Variants in C15orf40 observed in about 807,000 individuals in gnomAD.
C15orf40 encodes UPF0235 protein C15orf40.
C15orf40 carries 9 observed loss-of-function variants against 13.9 expected under a neutral mutation model. The observed-to-expected ratio is 0.65, with a 90% confidence interval of 0.39 to 1.13. The LOEUF (loss-of-function observed/expected upper bound fraction) is 1.13. Among genes scored for constraint, C15orf40 ranks in the 50% most tolerant of loss-of-function variants. The pLI, the probability that C15orf40 is intolerant of heterozygous loss-of-function variation, is 0.01. For missense variants in C15orf40, 225 were observed against 188.5 expected, an observed-to-expected ratio of 1.19 and a Z score of -1.13; for synonymous variants, 95 against 69.2, an observed-to-expected ratio of 1.37 and a Z score of -1.85.
Position 82,999,171 on chromosome 15 carries a change from A to AGAGGGGGAGGGG in C15orf40, c.*6414_*6425dup, listed in dbSNP as rs772981816. On this transcript the variant is annotated 3_prime_UTR_variant, in exon 4 of 4. Coordinates refer to ENST00000304177, the MANE Select transcript of C15orf40 (RefSeq NM_144597.3). ...CGTGGGGAGAGGGAGAGGGTGAGGG[A>AGAGGGGGAGGGG]GAGGGGGAGGGGGAGGGGGAGGGGG... 5.6e-5 allele frequency: 2 copies of AGAGGGGGAGGGG among 35,510 alleles called. No homozygotes were observed. Among genetic ancestry groups the AGAGGGGGAGGGG allele is most frequent in the South Asian group, 5.8e-4 (1 of 1,710 alleles). 2.2% of individuals were successfully genotyped at this position (35,510 alleles called of 1,614,324 possible). A position where few individuals can be genotyped will look rare whatever the true frequency, so the allele number is the denominator to read the frequency against.
Position 82,998,154 on chromosome 15 carries a change from C to T in C15orf40, c.*7443G>A, listed in dbSNP as rs1237924025. On this transcript the variant is annotated 3_prime_UTR_variant, in exon 4 of 4. Transcript: ENST00000304177. The stretch of plus-strand genomic sequence containing the variant: ...GCCCCTCACCTCCCGGACGGGGCGG[C>T]TGGCCGGGCGGGGGGCTGACCCCCC... The T allele has an allele frequency of 3.7e-5, 5 of 133,470 alleles. No homozygotes were observed. Among genetic ancestry groups the T allele is most frequent in the African/African-American group, 1.4e-4 (5 of 35,024 alleles). 8.3% of individuals were successfully genotyped at this position (133,470 alleles called of 1,614,324 possible). A position where few individuals can be genotyped will look rare whatever the true frequency, so the allele number is the denominator to read the frequency against.
chr15:83,010,470 T>G, intron 1 of C15orf40, 107 bp from the exon 2 acceptor site: 3 of 1,356,566 alleles, frequency 2.2e-6, no homozygotes, highest in Non-Finnish European at 3.1e-6. Context: ...ACTAGGCTCA[T>G]CAGTGGTGTC....
chr15:83,008,505 C>G, intron 3 of C15orf40, 43 bp downstream of exon 3: 1 of 1,592,812 alleles, frequency 6.3e-7, no homozygotes. Context: ...GGCGACAGAG[C>G]AAGATTTTGT....
intron 3 of C15orf40, chr15:83,006,530 C>A (rs1373881808): frequency 2.1e-6 from 2 of 935,768 alleles, no homozygotes; most frequent in Admixed American, 6.2e-5. Flanking sequence ...GAGGCTGAGG[C>A]GGGTGGATCA....
intron 3 of C15orf40, chr15:83,006,352 T>C (rs2090876105): frequency 1.0e-6 from 1 of 954,684 alleles, no homozygotes; most frequent in Non-Finnish European, 1.2e-6. Flanking sequence ...AGTAAAATAA[T>C]TATAAATATA....
downstream of C15orf40, among the ~76,000 whole-genome samples, chr15:82,994,277 T>C (rs527960665): frequency 2.0e-5 from 3 of 152,220 alleles, no homozygotes; most frequent in South Asian, 2.1e-4. Context: ...AATCAGGTTA[T>C]TGACAGCACT....
intron 1 of C15orf40, chr15:83,010,958 T>C (rs376619115): frequency 1.3e-5 from 2 of 155,212 alleles, no homozygotes; most frequent in African/African-American, 4.8e-5. Flanking sequence ...ACCGATGAGA[T>C]AGGCACAGAA....
rs1299494295 is a variant in C15orf40, at chr15:82,998,516, T to G, written c.*7081A>C. On this transcript the variant is annotated 3_prime_UTR_variant, in exon 4 of 4. Coordinates refer to ENST00000304177, the MANE Select transcript of C15orf40 (RefSeq NM_144597.3). ...CGGGGTCTCGGCCGGGCAGAGGCGC[T>G]CCTCACATCCCAGATGGGGCGGCGG... is the stretch of plus-strand genomic sequence containing the variant. The G allele has an allele frequency of 2.5e-5, 2 of 80,892 alleles. No individual in the cohort carries two copies. The highest frequency in any genetic ancestry group is 4.9e-5 in the Non-Finnish European group (2 of 41,070). 5.0% of individuals were successfully genotyped at this position (80,892 alleles called of 1,614,324 possible).
downstream of C15orf40, chr15:82,990,762 C>T: frequency 1.1e-6 from 1 of 895,942 alleles, no homozygotes; most frequent in Non-Finnish European, 1.8e-6. Flanking sequence ...TTGCTAACAA[C>T]ATAGCAGGTC....
At chr15:82,992,445 G>A (rs1033774627), downstream of C15orf40, among the ~76,000 whole-genome samples, 2 of 152,140 alleles carry the variant, frequency 1.3e-5, no homozygotes, top group Admixed American at 6.5e-5. Context: ...GAACCTGGGA[G>A]GTGGAGGTGG....
At chr15:82,993,027 T>C (rs906680614), downstream of C15orf40, among the ~76,000 whole-genome samples, 3 of 152,208 alleles carry the variant, frequency 2.0e-5, no homozygotes, top group Admixed American at 6.5e-5. Flanking sequence ...ATAGAATTAA[T>C]TTCAAGTAGT....
At chr15:82,991,097 G>A (rs1164329210), downstream of C15orf40, 1 of 155,098 alleles carries the variant, frequency 6.4e-6, no homozygotes, top group African/African-American at 2.4e-5. Context: ...GGTGAAATGA[G>A]ATTTTTGGGT....
rs2031429450 is a variant in C15orf40 at position 83,001,780 on chromosome 15, A to AT, written c.*3816dup. The AT allele has an allele frequency of 6.6e-6, 1 of 152,276 alleles. No homozygotes were observed. The highest frequency in any genetic ancestry group is 1.5e-5 in the Non-Finnish European group (1 of 68,072). 9.4% of individuals were successfully genotyped at this position (152,276 alleles called of 1,614,324 possible). A position where few individuals can be genotyped will look rare whatever the true frequency, so the allele number is the denominator to read the frequency against. On this transcript the variant is annotated 3_prime_UTR_variant, in exon 4 of 4. Transcript: ENST00000304177. Reference sequence around the variant, plus strand: ...AGTAGGAATAGTCCTGTGTGAGACAATTAAGTTGTGAGGCTGCTGTAGACT... The same window carrying AT: ...AGTAGGAATAGTCCTGTGTGAGACAATTTAAGTTGTGAGGCTGCTGTAGACT...
rs1375917821 is a variant in C15orf40, at chr15:82,994,995, A to G, written c.*10602T>C. On this transcript the variant is annotated 3_prime_UTR_variant, in exon 4 of 4. Transcript: ENST00000304177. Reference sequence around the variant, plus strand: ...CAGATATATCCAGATATGACATAATATCTAAACAAAGATTTCTCCTGACAT... The same window carrying G: ...CAGATATATCCAGATATGACATAATGTCTAAACAAAGATTTCTCCTGACAT... 2 of 152,234 alleles carry G rather than the reference A, an allele frequency of 1.3e-5. No individual in the cohort carries two copies. The highest frequency in any genetic ancestry group is 4.1e-4 in the South Asian group (2 of 4,830). The allele number at this position is 152,234 out of a possible 1,614,324, so 9.4% of individuals were successfully genotyped here.
At position 83,004,641 on chromosome 15, in the gene C15orf40, TC is replaced by T; in HGVS notation, c.*955del. On this transcript the variant is annotated 3_prime_UTR_variant, in exon 4 of 4. Transcript: ENST00000304177. ...AGGAAGATGAAAATTCAGTGACTTCTCAAAAATTATAATTCACATTTAATTA... is the reference window on the plus strand; with the variant it reads ...AGGAAGATGAAAATTCAGTGACTTCTAAAAATTATAATTCACATTTAATTA... The T allele has an allele frequency of 1.1e-6, 1 of 904,020 alleles. No individual in the cohort carries two copies. The highest frequency in any genetic ancestry group is 1.3e-6 in the Non-Finnish European group (1 of 754,658). 56.0% of individuals were successfully genotyped at this position (904,020 alleles called of 1,614,324 possible).
rs777862150 is a variant in C15orf40 at position 83,011,592 on chromosome 15, T to A, written c.16A>T (p.Ser6Cys). 6.3e-7 allele frequency: 1 copy of A among 1,589,662 alleles called. No individual in the cohort carries two copies. The highest frequency in any genetic ancestry group is 1.1e-5 in the South Asian group (1 of 88,946). The change falls in exon 1 of 4, where the codon AGC (serine) becomes TGC (cysteine). Residue 6 changes from serine to cysteine, a missense_variant. Coordinates refer to ENST00000304177, the MANE Select transcript of C15orf40 (RefSeq NM_144597.3). ...GTTGCCCGAAGGTGCCTCAGCCCGCTGCGGAGCCGCAGCATCCCCGCCTGG... is the reference window on the plus strand; with the variant it reads ...GTTGCCCGAAGGTGCCTCAGCCCGCAGCGGAGCCGCAGCATCCCCGCCTGG... The part of the protein sequence containing the change: MLRLR[S>C]GLRHLRATPN...
chr15:82,994,109 C>T (rs769421445), downstream of C15orf40, among the ~76,000 whole-genome samples: 13 of 152,094 alleles, frequency 8.5e-5, no homozygotes, highest in Non-Finnish European at 1.9e-4. Context: ...GTTTCCAAAG[C>T]CACTTTCCTT....
rs2031307398 is a variant in C15orf40, at chr15:82,999,286, G to C, written c.*6311C>G. On this transcript the variant is annotated 3_prime_UTR_variant, in exon 4 of 4. Coordinates refer to ENST00000304177, the MANE Select transcript of C15orf40 (RefSeq NM_144597.3). ...TCATGGCTCACTACGTCGAACTCCT[G>C]AGCTCAAGTGATCCTCCTGCCTCAG... The C allele has an allele frequency of 1.3e-5, 2 of 152,094 alleles. No individual in the cohort carries two copies. The highest frequency in any genetic ancestry group is 2.9e-5 in the Non-Finnish European group (2 of 68,162). 9.4% of individuals were successfully genotyped at this position (152,094 alleles called of 1,614,324 possible).
In C15orf40 at chr15:83,011,527, C is replaced by T; in HGVS notation, c.81G>A (p.Glu27=). Reference sequence around the variant, plus strand: ...TCGTCGCACCAGCCTTCTTAGGCATCTCGGCGCAAAGAAGCCGAGCGGAGC... The same window carrying T: ...TCGTCGCACCAGCCTTCTTAGGCATTTCGGCGCAAAGAAGCCGAGCGGAGC... The part of the protein sequence containing the change: ...TRGSARLLCA[E]MPKKAGATTK... Residue 27 remains glutamate, a synonymous_variant, in exon 1 of 4, where the codon GAG becomes GAA. Transcript: ENST00000304177. 1 of 1,607,608 alleles carries T rather than the reference C, an allele frequency of 6.2e-7. No individual in the cohort carries two copies. Among genetic ancestry groups the T allele is most frequent in the Non-Finnish European group, 8.5e-7 (1 of 1,178,452 alleles).
Sources: gnomAD v4.1 joint callset for allele counts (sites outside exome capture counted in the v4.1 genomes callset) on GRCh38, gnomAD v4.1.1 for gene constraint, MANE v1.5 for transcripts, NCBI Gene and HGNC (gene_info 2026-07-23, HGNC 2026-07-21) for gene names.